NLGN1: variants seen among roughly 807,000 people sequenced by gnomAD.
NLGN1 encodes neuroligin 1.
Under a neutral mutation model 65.5 loss-of-function variants are expected in NLGN1, and 12 were observed. That is an observed-to-expected ratio of 0.18 (90% CI 0.12 to 0.30). The LOEUF (loss-of-function observed/expected upper bound fraction) is 0.30, where lower values mean the gene tolerates loss of function less well. Among genes scored for constraint, NLGN1 ranks in the 10% least tolerant of loss-of-function variants. The pLI, the probability that NLGN1 is intolerant of heterozygous loss-of-function variation, is 1.00. For missense variants in NLGN1, 750 were observed against 1,007.1 expected (o/e 0.74, Z 3.46); for synonymous variants, 350 against 359.5 (o/e 0.97, Z 0.30).
chr3:173,772,340 G>A (rs531036560), intron 3 of NLGN1, among the ~76,000 whole-genome samples: 95 of 152,178 alleles, frequency 6.2e-4, no homozygotes, highest in Admixed American at 4.6e-4. Context: ...ATATGAAGCC[G>A]GGCATGGTGG....
At chr3:174,112,561 C>T (rs1715471176) in intron 4 of NLGN1, among the ~76,000 whole-genome samples, 1 of 151,842 alleles carries the variant, frequency 6.6e-6, no homozygotes, top group Non-Finnish European at 1.5e-5. Flanking sequence ...GCTCACTGTT[C>T]AATAGATCCA....
rs115861834 is a variant in NLGN1 at position 173,518,510 on chromosome 3, A to G, written c.-321+83432A>G. Among the ~76,000 whole-genome samples, 4 of 150,004 alleles carry G rather than the reference A, an allele frequency of 2.7e-5. No homozygotes were observed. In the South Asian group the frequency reaches 8.4e-4, roughly 31 times the overall value. ...TAAAGTATATATGTATGCATGTATT[A>G]TATATATATGAGTATGTGTATGTGT... On this transcript the variant is annotated intron_variant, in intron 2 of 6. Coordinates refer to ENST00000457714, the Ensembl canonical transcript of NLGN1.
intron 4 of NLGN1, among the ~76,000 whole-genome samples, chr3:173,842,894 G>T (rs948796426): frequency 7.2e-5 from 11 of 152,200 alleles, no homozygotes; most frequent in Non-Finnish European, 1.5e-4. Context: ...TGGACTCTGT[G>T]TAGGGGTTCC....
chr3:174,093,572 TA>T (rs1744928884), intron 4 of NLGN1, among the ~76,000 whole-genome samples: 1 of 152,212 alleles, frequency 6.6e-6, no homozygotes. Context: ...TGCTAATGCC[TA>T]GCAATAGGTT....
chr3:173,744,974 C>G (rs886922632), intron 3 of NLGN1, among the ~76,000 whole-genome samples: 1 of 152,032 alleles, frequency 6.6e-6, no homozygotes, highest in African/African-American at 2.4e-5. Flanking sequence ...GTTAATAGAC[C>G]GCCTATCTTT....
chr3:174,101,484 A>C (rs568447565), intron 4 of NLGN1, among the ~76,000 whole-genome samples: 83 of 152,176 alleles, frequency 5.5e-4, no homozygotes, highest in Non-Finnish European at 1.0e-3. Flanking sequence ...GTTAGGTTTG[A>C]TCAGCTTACG....
chr3:173,894,233 C>G (rs571297782), intron 4 of NLGN1, among the ~76,000 whole-genome samples: 1 of 152,058 alleles, frequency 6.6e-6, no homozygotes, highest in Non-Finnish European at 1.5e-5. Context: ...TTAGTGTAGT[C>G]CTACTAGAGG....
chr3:174,082,455 A>G (rs1742424514), intron 4 of NLGN1, among the ~76,000 whole-genome samples: 1 of 152,086 alleles, frequency 6.6e-6, no homozygotes, highest in Non-Finnish European at 1.5e-5. Context: ...TTCATTTAAA[A>G]TGAGACACTT....
intron 1 of NLGN1, among the ~76,000 whole-genome samples, chr3:173,421,234 GTTAT>G: frequency 6.6e-6 from 1 of 151,956 alleles, no homozygotes; most frequent in Admixed American, 6.6e-5. Context: ...GCCTAGAAAA[GTTAT>G]TTATTTGGAT....
intron 4 of NLGN1, among the ~76,000 whole-genome samples, chr3:174,237,968 T>G (rs1195095881): frequency 6.6e-6 from 1 of 152,206 alleles, no homozygotes; most frequent in East Asian, 1.9e-4. Context: ...CTAATAAGAC[T>G]TTTAATTCCT....
chr3:174,068,339 T>C (rs529455359), intron 4 of NLGN1, among the ~76,000 whole-genome samples: 6 of 152,258 alleles, frequency 3.9e-5, no homozygotes, highest in Non-Finnish European at 8.8e-5. Flanking sequence ...CCCAGTATGC[T>C]AGATATTCTG....
Position 173,778,229 on chromosome 3 carries a change from A to G in NLGN1, c.494-29451A>G, listed in dbSNP as rs571100878. On this transcript the variant is annotated intron_variant, in intron 3 of 6. Coordinates refer to ENST00000457714, the Ensembl canonical transcript of NLGN1. ...ATTGACAAATATGAATGTCTTGTTC[A>G]TGGCAGCTACTTTATCTTTTCTGGC... Among the ~76,000 whole-genome samples the G allele has an allele frequency of 2.0e-4, 31 of 151,984 alleles. No homozygotes were observed. In the South Asian group the frequency reaches 6.2e-3, roughly 30 times the overall value.
rs181514425 is a variant in NLGN1, at chr3:173,945,706, C to T, written c.646+137874C>T. Reference sequence around the variant, plus strand: ...TTCAGTATGTAAAATGTACTTTTTTCCCCACTCGCATTTATGAGAGGTTTA... The same window carrying T: ...TTCAGTATGTAAAATGTACTTTTTTTCCCACTCGCATTTATGAGAGGTTTA... On this transcript the variant is annotated intron_variant, in intron 4 of 6. Coordinates refer to ENST00000457714, the Ensembl canonical transcript of NLGN1. Among the ~76,000 whole-genome samples the T allele has an allele frequency of 4.5e-4, 69 of 152,106 alleles. No individual in the cohort carries two copies. In the East Asian group the frequency reaches 0.013, roughly 29 times the overall value.
intron 3 of NLGN1, among the ~76,000 whole-genome samples, chr3:173,707,621 A>T (rs1490351689): frequency 4.6e-5 from 7 of 152,182 alleles, no homozygotes; most frequent in African/African-American, 1.7e-4. Flanking sequence ...AAGTAATCGG[A>T]TGGATGACAG....
At chr3:173,980,592 A>G (rs1044571379) in intron 4 of NLGN1, among the ~76,000 whole-genome samples, 3 of 152,112 alleles carry the variant, frequency 2.0e-5, no homozygotes, top group Non-Finnish European at 2.9e-5. Flanking sequence ...ATACATACCT[A>G]TGAGTGGGAT....
intron 4 of NLGN1, among the ~76,000 whole-genome samples, chr3:173,974,024 T>C (rs1716873021): frequency 6.6e-6 from 1 of 152,038 alleles, no homozygotes; most frequent in Admixed American, 6.6e-5. Context: ...GCTAACAGAA[T>C]TAGATTAATG....
intron 4 of NLGN1, among the ~76,000 whole-genome samples, chr3:174,197,019 A>G (rs2152768380): frequency 6.6e-6 from 1 of 152,254 alleles, no homozygotes; most frequent in Non-Finnish European, 1.5e-5. Flanking sequence ...AATTTATAAC[A>G]AAGTCATTTG....
chr3:173,990,929 C>T (rs1194208836), intron 4 of NLGN1, among the ~76,000 whole-genome samples: 1 of 151,956 alleles, frequency 6.6e-6, no homozygotes, highest in Non-Finnish European at 1.5e-5. Flanking sequence ...AAGTTTTAAA[C>T]TCACATCAAA....
At chr3:173,690,650 A>G (rs111320213) in intron 3 of NLGN1, among the ~76,000 whole-genome samples, 5 of 152,348 alleles carry the variant, frequency 3.3e-5, no homozygotes, top group African/African-American at 1.2e-4. Flanking sequence ...TTAGTGTATG[A>G]ATGATTCATG....
Sources: gnomAD v4.1 joint callset for allele counts (sites outside exome capture counted in the v4.1 genomes callset) on GRCh38, gnomAD v4.1.1 for gene constraint, MANE v1.5 for transcripts, NCBI Gene and HGNC (gene_info 2026-07-23, HGNC 2026-07-21) for gene names.